The following ZBTB20 variants were observed in gnomAD, a reference collection of about 807,000 sequenced individuals.
ZBTB20 encodes zinc finger and BTB domain containing 20, also known as zinc finger and BTB domain-containing protein 20.
In ZBTB20, 9 loss-of-function variants were observed where a neutral mutation model predicts 56.9. That is an observed-to-expected ratio of 0.16 (90% CI 0.10 to 0.28). ZBTB20 has a LOEUF of 0.28. ZBTB20 is among the 10% of genes least tolerant of loss of function. The pLI is 1.00. For missense variants in ZBTB20, 655 were observed against 1,003.0 expected (o/e 0.65, Z 4.69); for synonymous variants, 417 against 420.7 (o/e 0.99, Z 0.11).
At chr3:114,693,496 A>T (rs532522530) in intron 6 of ZBTB20, 32 bp downstream of exon 6, 1 of 152,226 alleles carries the variant, frequency 6.6e-6, no homozygotes, top group African/African-American at 2.4e-5. Context: ...AATATTTTGG[A>T]CTGCCATTTA....
intron 6 of ZBTB20, among the ~76,000 whole-genome samples, chr3:114,565,765 C>T (rs2052646576): frequency 6.6e-6 from 1 of 152,064 alleles, no homozygotes; most frequent in Non-Finnish European, 1.5e-5. Flanking sequence ...GCTTATCTCA[C>T]CCCAACAAAA....
Position 114,334,824 on chromosome 3 carries a change from C to CTAAA in ZBTB20, c.*4177_*4180dup, listed in dbSNP as rs1164091787. The stretch of plus-strand genomic sequence containing the variant: ...CGGTCTATAAAACTGTTATTAGGAG[C>CTAAA]TAAAGTTTACCTCTCAATTAAAAGA... On this transcript the variant is annotated 3_prime_UTR_variant, in exon 12 of 12. Coordinates refer to ENST00000675478, the MANE Select transcript of ZBTB20 (RefSeq NM_001348800.3). 1 of 152,108 alleles carries CTAAA rather than the reference C, an allele frequency of 6.6e-6. No individual in the cohort carries two copies. The highest frequency in any genetic ancestry group is 1.5e-5 in the Non-Finnish European group (1 of 68,030). The allele number at this position is 152,108 out of a possible 1,614,324, so 9.4% of individuals were successfully genotyped here. A position where few individuals can be genotyped will look rare whatever the true frequency, so the allele number is the denominator to read the frequency against.
chr3:114,620,491 C>T (rs1402197597), intron 6 of ZBTB20, among the ~76,000 whole-genome samples: 1 of 152,118 alleles, frequency 6.6e-6, no homozygotes, highest in Non-Finnish European at 1.5e-5. Context: ...GGGGTTTCTT[C>T]ATGTTTATCA....
intron 5 of ZBTB20, among the ~76,000 whole-genome samples, chr3:114,772,576 A>C (rs1434124460): frequency 2.6e-5 from 4 of 152,172 alleles, no homozygotes; most frequent in African/African-American, 9.6e-5. Context: ...TATCAAACAG[A>C]AAATAAATAC....
intron 6 of ZBTB20, among the ~76,000 whole-genome samples, chr3:114,660,689 A>T (rs538584130): frequency 2.0e-5 from 3 of 152,270 alleles, no homozygotes; most frequent in African/African-American, 7.2e-5. Flanking sequence ...AGCCTTTCAA[A>T]AACTGTTCAT....
intron 5 of ZBTB20, among the ~76,000 whole-genome samples, chr3:114,769,870 C>A (rs528138612): frequency 5.3e-5 from 8 of 151,838 alleles, no homozygotes; most frequent in Non-Finnish European, 7.4e-5. Context: ...ACCAGCCTGG[C>A]CCACATGGTG....
intron 2 of ZBTB20, among the ~76,000 whole-genome samples, chr3:115,069,339 CTG>C (rs2082321376): frequency 1.3e-5 from 2 of 152,050 alleles, no homozygotes; most frequent in African/African-American, 2.4e-5. Flanking sequence ...CGGGAGAGAA[CTG>C]TGTGAAGCTG....
chr3:114,687,623 A>AG (rs1553787472), intron 6 of ZBTB20: 37 of 151,710 alleles, frequency 2.4e-4, no homozygotes, highest in African/African-American at 6.5e-4. Context: ...AAAAAAAAAA[A>AG]AAAGAAAGAA....
intron 6 of ZBTB20, among the ~76,000 whole-genome samples, chr3:114,579,550 AG>A (rs2054432490): frequency 6.6e-6 from 1 of 151,492 alleles, no homozygotes; most frequent in Non-Finnish European, 1.5e-5. Flanking sequence ...ATAAAAAAAA[AG>A]AAGGAATGAA....
intron 5 of ZBTB20, among the ~76,000 whole-genome samples, chr3:114,737,288 G>A (rs1464010454): frequency 6.6e-6 from 1 of 152,124 alleles, no homozygotes; most frequent in Admixed American, 6.6e-5. Context: ...AAGATGAATG[G>A]AGATGTCTAA....
intron 2 of ZBTB20, among the ~76,000 whole-genome samples, chr3:115,016,668 A>G (rs970767107): frequency 5.9e-5 from 9 of 151,696 alleles, no homozygotes; most frequent in Admixed American, 2.0e-4. Flanking sequence ...CCATGGGTCT[A>G]TGTGTCTGTT....
intron 4 of ZBTB20, among the ~76,000 whole-genome samples, chr3:114,847,917 A>T (rs1165523119): frequency 6.6e-6 from 1 of 152,096 alleles, no homozygotes; most frequent in Admixed American, 6.5e-5. Flanking sequence ...AAATCCAACA[A>T]CCCAAATACT....
chr3:114,462,050 A>C (rs1198224084), intron 7 of ZBTB20, among the ~76,000 whole-genome samples: 1 of 152,172 alleles, frequency 6.6e-6, no homozygotes, highest in Non-Finnish European at 1.5e-5. Flanking sequence ...AATAATAATA[A>C]ATTGCTTTAT....
At chr3:115,095,941 G>A (rs111491273) in intron 1 of ZBTB20, among the ~76,000 whole-genome samples, 2,981 of 152,234 alleles carry the variant, frequency 0.02, 39 homozygotes, top group South Asian at 0.032. Flanking sequence ...TATGCAAAAT[G>A]CTAGAATTTA....
chr3:114,517,746 T>C (rs995781501), intron 6 of ZBTB20, among the ~76,000 whole-genome samples: 40 of 152,150 alleles, frequency 2.6e-4, no homozygotes, highest in African/African-American at 9.4e-4. Flanking sequence ...CGGCTAATTT[T>C]TGTATTTTTA....
intron 5 of ZBTB20, among the ~76,000 whole-genome samples, chr3:114,732,332 T>G (rs2108547372): frequency 6.6e-6 from 1 of 152,264 alleles, no homozygotes; most frequent in Non-Finnish European, 1.5e-5. Flanking sequence ...CTCCTTTTCC[T>G]TTTTTTCCTG....
At chr3:114,498,236 C>G (rs1210500126) in intron 7 of ZBTB20, among the ~76,000 whole-genome samples, 1 of 152,250 alleles carries the variant, frequency 6.6e-6, no homozygotes, top group East Asian at 1.9e-4. Context: ...TTCTGCTAAA[C>G]AGTAATGGAA....
At chr3:114,985,297 G>T (rs2078489969) in intron 2 of ZBTB20, among the ~76,000 whole-genome samples, 1 of 152,030 alleles carries the variant, frequency 6.6e-6, no homozygotes, top group African/African-American at 2.4e-5. Flanking sequence ...GTTTTCAAGT[G>T]CTTACAATGT....
At chr3:114,481,153 A>G (rs571727476) in intron 7 of ZBTB20, among the ~76,000 whole-genome samples, 3 of 151,842 alleles carry the variant, frequency 2.0e-5, no homozygotes, top group Non-Finnish European at 2.9e-5. Context: ...TTAAGTATAT[A>G]TTTTTTGTGG....
Sources: allele counts gnomAD v4.1 joint callset (sites outside exome capture counted in the v4.1 genomes callset), GRCh38; gene constraint gnomAD v4.1.1; transcripts MANE v1.5; gene names NCBI Gene and HGNC (gene_info 2026-07-23, HGNC 2026-07-21).